The following UBE2E2 variants were observed in gnomAD, a reference collection of about 807,000 sequenced individuals.
UBE2E2 encodes the protein ubiquitin conjugating enzyme E2 E2.
Under a neutral mutation model 24.7 loss-of-function variants are expected in UBE2E2, and 6 were observed. The ratio of observed to expected loss-of-function variants is 0.24; its 90% CI spans 0.13 to 0.48. The LOEUF (loss-of-function observed/expected upper bound fraction) is 0.48, where lower values mean the gene tolerates loss of function less well. Among genes scored for constraint, UBE2E2 ranks in the 20% least tolerant of loss-of-function variants. The probability of loss-of-function intolerance (pLI) is 0.99; values close to 1 mark genes in which losing one functional copy is unlikely to be tolerated. For synonymous variants in UBE2E2, 104 were observed against 83.6 expected, an observed-to-expected ratio of 1.24 and a Z score of -1.33; for missense variants, 169 against 245.0, an observed-to-expected ratio of 0.69 and a Z score of 2.07.
At chr3:23,272,551 C>T (rs922098664) in intron 3 of UBE2E2, among the ~76,000 whole-genome samples, 9 of 152,222 alleles carry the variant, frequency 5.9e-5, no homozygotes, top group South Asian at 2.1e-4. Flanking sequence ...AGCACGTTGT[C>T]ACCTCTCAGT....
intron 1 of UBE2E2, among the ~76,000 whole-genome samples, chr3:23,207,987 C>T (rs1046523119): frequency 1.3e-5 from 2 of 152,114 alleles, no homozygotes; most frequent in Non-Finnish European, 1.5e-5. Flanking sequence ...CGTCACTCTT[C>T]ACTACTCTCC....
At chr3:23,570,734 G>C (rs1696199322) in intron 5 of UBE2E2, among the ~76,000 whole-genome samples, 1 of 152,074 alleles carries the variant, frequency 6.6e-6, no homozygotes. Flanking sequence ...TAAGAAATAA[G>C]ACAAAGTGAA....
At chr3:23,545,608 A>G (rs1695505146) in intron 5 of UBE2E2, among the ~76,000 whole-genome samples, 1 of 152,146 alleles carries the variant, frequency 6.6e-6, no homozygotes, top group Non-Finnish European at 1.5e-5. Flanking sequence ...TAACAATCTG[A>G]TCTTTCTTTT....
At chr3:23,561,022 T>C (rs1238800070) in intron 5 of UBE2E2, among the ~76,000 whole-genome samples, 3 of 152,234 alleles carry the variant, frequency 2.0e-5, no homozygotes, top group Admixed American at 2.0e-4. Flanking sequence ...GTAGGTTGCC[T>C]GTTCACTCTG....
intron 5 of UBE2E2, among the ~76,000 whole-genome samples, chr3:23,571,420 G>A (rs1189166448): frequency 6.6e-6 from 1 of 150,700 alleles, no homozygotes; most frequent in African/African-American, 2.4e-5. Context: ...CTCCCGAGTA[G>A]CCGGGATTAC....
chr3:23,337,657 A>G (rs1002764224), intron 3 of UBE2E2, among the ~76,000 whole-genome samples: 1 of 150,314 alleles, frequency 6.7e-6, no homozygotes, highest in Admixed American at 6.6e-5. Context: ...GGATGTAGGG[A>G]GAAGGAGTAC....
At chr3:23,239,967 A>G (rs887857752) in intron 3 of UBE2E2, among the ~76,000 whole-genome samples, 13 of 152,124 alleles carry the variant, frequency 8.5e-5, no homozygotes, top group African/African-American at 3.1e-4. Flanking sequence ...AGTTTCAAGT[A>G]AGTTTTGAGG....
chr3:23,471,744 A>G (rs1575652045), intron 3 of UBE2E2, among the ~76,000 whole-genome samples: 1 of 152,250 alleles, frequency 6.6e-6, no homozygotes, highest in Non-Finnish European at 1.5e-5. Context: ...CAAATTAAGC[A>G]GTACAGGACA....
intron 3 of UBE2E2, among the ~76,000 whole-genome samples, chr3:23,254,194 T>C (rs912626182): frequency 2.0e-5 from 3 of 152,228 alleles, no homozygotes; most frequent in Non-Finnish European, 4.4e-5. Context: ...GGGTCCTTGC[T>C]CCAAGAGACC....
intron 3 of UBE2E2, among the ~76,000 whole-genome samples, chr3:23,369,168 A>G (rs930215539): frequency 1.3e-5 from 2 of 152,116 alleles, no homozygotes; most frequent in Non-Finnish European, 2.9e-5. Flanking sequence ...TGCTGTTTGT[A>G]TTGTTAAAAT....
chr3:23,502,723 A>G (rs1699750551), intron 4 of UBE2E2, among the ~76,000 whole-genome samples: 1 of 152,228 alleles, frequency 6.6e-6, no homozygotes, highest in South Asian at 2.1e-4. Flanking sequence ...TGTTAATTAA[A>G]CTTAGTATTC....
chr3:23,532,841 C>T (rs897139153), intron 5 of UBE2E2, 140 bp downstream of exon 5: 6 of 832,840 alleles, frequency 7.2e-6, no homozygotes, highest in Admixed American at 3.7e-5. Flanking sequence ...TAGTATGTAA[C>T]TATTTTCTTT....
intron 3 of UBE2E2, among the ~76,000 whole-genome samples, chr3:23,492,524 C>A (rs758814525): frequency 6.6e-5 from 10 of 152,174 alleles, no homozygotes; most frequent in Non-Finnish European, 1.3e-4. Context: ...TTCTCACTTG[C>A]TGTGTAGTAT....
At chr3:23,249,028 T>C (rs964111723) in intron 3 of UBE2E2, among the ~76,000 whole-genome samples, 5 of 152,176 alleles carry the variant, frequency 3.3e-5, no homozygotes, top group African/African-American at 9.7e-5. Context: ...TCTAGCACTT[T>C]GAGAGGCTGA....
chr3:23,399,123 C>A (rs1697150931), intron 3 of UBE2E2, among the ~76,000 whole-genome samples: 1 of 152,084 alleles, frequency 6.6e-6, no homozygotes, highest in Non-Finnish European at 1.5e-5. Flanking sequence ...GTTTCTTTTT[C>A]CTTCTTTATA....
Position 23,442,317 on chromosome 3 carries a change from C to T in UBE2E2, c.228-57291C>T, listed in dbSNP as rs143948584. Reference sequence around the variant, plus strand: ...CTAAATTTAAAAAAAAAAATGAATCCTGCTACTGATGGGTATATAGCATTA... The same window carrying T: ...CTAAATTTAAAAAAAAAAATGAATCTTGCTACTGATGGGTATATAGCATTA... On this transcript the variant is annotated intron_variant, in intron 3 of 5. Coordinates refer to ENST00000396703, the MANE Select transcript of UBE2E2 (RefSeq NM_152653.4). Among the ~76,000 whole-genome samples, 7 of 152,022 alleles carry T rather than the reference C, an allele frequency of 4.6e-5. No homozygotes were observed. The East Asian group carries it at 1.4e-3, about 29-fold the overall frequency.
chr3:23,272,656 A>G (rs1011567451), intron 3 of UBE2E2, among the ~76,000 whole-genome samples: 5 of 152,212 alleles, frequency 3.3e-5, no homozygotes, highest in African/African-American at 7.2e-5. Context: ...TAGACTATCT[A>G]TCTATCTATA....
intron 5 of UBE2E2, among the ~76,000 whole-genome samples, chr3:23,545,728 C>T (rs1278476690): frequency 1.3e-5 from 2 of 152,186 alleles, no homozygotes; most frequent in African/African-American, 2.4e-5. Flanking sequence ...TTTATCACAG[C>T]GCAATTGACA....
chr3:23,581,752 T>C (rs556664364), intron 5 of UBE2E2, among the ~76,000 whole-genome samples: 1 of 152,132 alleles, frequency 6.6e-6, no homozygotes, highest in African/African-American at 2.4e-5. Flanking sequence ...AATAAAAAAA[T>C]TTTTCGTGTA....
Sources: gnomAD v4.1 joint callset for allele counts (sites outside exome capture counted in the v4.1 genomes callset) on GRCh38, gnomAD v4.1.1 for gene constraint, MANE v1.5 for transcripts, NCBI Gene and HGNC (gene_info 2026-07-23, HGNC 2026-07-21) for gene names.